The following LRRC8C variants were observed in gnomAD, a reference collection of about 807,000 sequenced individuals.
LRRC8C encodes leucine rich repeat containing 8 VRAC subunit C.
A neutral mutation model predicts 55.3 loss-of-function variants in LRRC8C; 20 were observed. That is an observed-to-expected ratio of 0.36 (90% CI 0.25 to 0.53). The LOEUF (loss-of-function observed/expected upper bound fraction) is 0.53. Among genes scored for constraint, LRRC8C ranks in the 20% least tolerant of loss-of-function variants. LRRC8C has a pLI of 0.92. For missense variants in LRRC8C, 659 were observed against 951.4 expected (o/e 0.69, Z 4.04); for synonymous variants, 376 against 360.7 (o/e 1.04, Z -0.48).
chr1:89,663,903 G>T (rs977027739), intron 1 of LRRC8C, among the ~76,000 whole-genome samples: 15 of 151,948 alleles, frequency 9.9e-5, no homozygotes, highest in Non-Finnish European at 1.5e-5. Flanking sequence ...TTTCATGTTT[G>T]TTGGCTGCAT....
intron 1 of LRRC8C, chr1:89,668,265 G>C (rs1350477251): frequency 2.0e-5 from 3 of 152,464 alleles, no homozygotes; most frequent in Non-Finnish European, 4.4e-5. Context: ...GCAATATTTG[G>C]GGACTGCATT....
At chr1:89,644,765 C>T (rs1421684999) in intron 1 of LRRC8C, among the ~76,000 whole-genome samples, 1 of 152,148 alleles carries the variant, frequency 6.6e-6, no homozygotes. Context: ...TTTGCCTGAC[C>T]CCAGAAGTGC....
intron 1 of LRRC8C, among the ~76,000 whole-genome samples, chr1:89,680,748 A>G (rs776564733): frequency 3.3e-5 from 5 of 151,810 alleles, no homozygotes; most frequent in Admixed American, 1.3e-4. Context: ...TTTAGTAGAG[A>G]TGGGATTTTA....
At chr1:89,696,213 A>G (rs1005493503) in intron 2 of LRRC8C, among the ~76,000 whole-genome samples, 6 of 152,196 alleles carry the variant, frequency 3.9e-5, no homozygotes, top group Admixed American at 3.9e-4. Flanking sequence ...GGACAAGATC[A>G]GGCAGAAGAA....
In LRRC8C at chr1:89,714,170, A is replaced by G; in HGVS notation, c.1600A>G (p.Thr534Ala). ...SLSHDISRNV[T>A]LESLRDLKSL... is the part of the protein sequence containing the mutation. ...AAGTCATGATATTTCCAGAAATGTC[A>G]CCCTTGAGTCTCTGCGGGATCTCAA... The change falls in exon 3 of 3, where the codon ACC becomes GCC. Residue 534 changes from threonine to alanine, a missense_variant. By Grantham distance (58) the Thr-to-Ala change is moderately conservative. Coordinates refer to ENST00000370454, the MANE Select transcript of LRRC8C (RefSeq NM_032270.5). The surrounding 1 kb of genome is among the most constrained non-coding windows in gnomAD (Gnocchi z 4.6). 6.2e-7 allele frequency: 1 copy of G among 1,614,130 alleles called. No individual in the cohort carries two copies. Among genetic ancestry groups the G allele is most frequent in the Non-Finnish European group, 8.5e-7 (1 of 1,180,028 alleles).
intron 1 of LRRC8C, among the ~76,000 whole-genome samples, chr1:89,660,281 CGTA>C (rs1273163591): frequency 6.6e-6 from 1 of 152,106 alleles, no homozygotes; most frequent in East Asian, 1.9e-4. Flanking sequence ...TCACTTAGTG[CGTA>C]GCTGTACTTT....
rs1427347254 is a variant in LRRC8C at position 89,715,854 on chromosome 1, C to G, written c.*872C>G. On this transcript the variant is annotated 3_prime_UTR_variant, in exon 3 of 3. Transcript: ENST00000370454. ...TTCATATCTTGATATGCAGCTGCAT[C>G]AGATGGAAAAAAATTTACTAAAGCA... 1.3e-5 allele frequency: 2 copies of G among 152,080 alleles called. No individual in the cohort carries two copies. The highest frequency in any genetic ancestry group is 1.5e-5 in the Non-Finnish European group (1 of 68,002). The allele number at this position is 152,080 out of a possible 1,614,324, so 9.4% of individuals were successfully genotyped here.
At chr1:89,667,727 G>A (rs535074263) in intron 1 of LRRC8C, among the ~76,000 whole-genome samples, 2 of 152,260 alleles carry the variant, frequency 1.3e-5, no homozygotes, top group East Asian at 3.9e-4. Context: ...CTTTAAAGTG[G>A]TTTGCTATGT....
chr1:89,649,915 T>A (rs1030611797), intron 1 of LRRC8C, among the ~76,000 whole-genome samples: 4 of 152,248 alleles, frequency 2.6e-5, no homozygotes, highest in Non-Finnish European at 5.9e-5. Context: ...TTTAATGAGA[T>A]GTTCTTCAAA....
At position 89,714,138 on chromosome 1, in the gene LRRC8C, GCTCT is replaced by G; in HGVS notation, c.1571_1574del (p.Ser524Ter). On this transcript the variant is annotated frameshift_variant, in exon 3 of 3. Transcript: ENST00000370454. LOFTEE classifies it high-confidence loss of function. This position sits in a 1 kb window ranked among gnomAD's most constrained non-coding sequence, Gnocchi z 4.6. ...AATCTGGAAGAGCTGTACCTAGTTG[GCTCT>G]CTAAGTCATGATATTTCCAGAAATG... 1 of 1,614,098 alleles carries G rather than the reference GCTCT, an allele frequency of 6.2e-7. No homozygotes were observed.
intron 1 of LRRC8C, among the ~76,000 whole-genome samples, chr1:89,662,771 A>AGTATT (rs1302930698): frequency 6.6e-6 from 1 of 152,050 alleles, no homozygotes; most frequent in Non-Finnish European, 1.5e-5. Flanking sequence ...CCACAAATTT[A>AGTATT]GTATTGTGTT....
intron 2 of LRRC8C, among the ~76,000 whole-genome samples, chr1:89,704,007 C>T (rs1358033146): frequency 6.6e-6 from 1 of 151,826 alleles, no homozygotes; most frequent in African/African-American, 2.4e-5. Flanking sequence ...AACACAAATA[C>T]CCAAAAAAGC....
At chr1:89,682,609 A>G (rs1281186158) in intron 1 of LRRC8C, among the ~76,000 whole-genome samples, 3 of 152,208 alleles carry the variant, frequency 2.0e-5, no homozygotes, top group Non-Finnish European at 4.4e-5. Context: ...CATGGTTAGT[A>G]AGGCACCTTC....
At chr1:89,699,433 T>A (rs1658261504) in intron 2 of LRRC8C, among the ~76,000 whole-genome samples, 1 of 152,132 alleles carries the variant, frequency 6.6e-6, no homozygotes, top group African/African-American at 2.4e-5. Flanking sequence ...ACCACTGTGG[T>A]TGAGCTTGGT....
chr1:89,652,092 G>A (rs1656801949), intron 1 of LRRC8C, among the ~76,000 whole-genome samples: 1 of 152,116 alleles, frequency 6.6e-6, no homozygotes, highest in African/African-American at 2.4e-5. Flanking sequence ...CTGGAGTGCT[G>A]GGGTGCAGTA....
At chr1:89,629,841 C>G (rs1656060305), upstream of LRRC8C, 1 of 152,176 alleles carries the variant, frequency 6.6e-6, no homozygotes, top group Non-Finnish European at 1.5e-5. Flanking sequence ...CCTGTGGAGG[C>G]TTCATAGAGA....
rs1658817558 is a variant in LRRC8C at position 89,716,332 on chromosome 1, A to G, written c.*1350A>G. On this transcript the variant is annotated 3_prime_UTR_variant, in exon 3 of 3. Coordinates refer to ENST00000370454, the MANE Select transcript of LRRC8C (RefSeq NM_032270.5). ...CCATGATACCGAGGGATGACTGGAT[A>G]TTAATCGATTTCCCTCAAGCCTGCC... The G allele has an allele frequency of 1.3e-5, 2 of 152,212 alleles. No homozygotes were observed. Among genetic ancestry groups the G allele is most frequent in the East Asian group, 3.8e-4 (2 of 5,198 alleles). 9.4% of individuals were successfully genotyped at this position (152,212 alleles called of 1,614,324 possible).
At chr1:89,621,296 T>TAA in the LRRC8C span, among the ~76,000 whole-genome samples, 50 of 123,834 alleles carry the variant, frequency 4.0e-4, no homozygotes, top group Non-Finnish European at 6.2e-4. Context: ...CCGTCTCTAC[T>TAA]AAAAAAAAAA....
At chr1:89,670,752 A>C (rs1398350241) in intron 1 of LRRC8C, among the ~76,000 whole-genome samples, 3 of 152,194 alleles carry the variant, frequency 2.0e-5, no homozygotes. Context: ...ATCTGAATCT[A>C]TTCCATCTTT....
Sources: gnomAD v4.1 joint callset for allele counts (sites outside exome capture counted in the v4.1 genomes callset) on GRCh38, gnomAD v4.1.1 for gene constraint, Gnocchi (gnomAD v3.1) non-coding constraint, MANE v1.5 for transcripts, NCBI Gene and HGNC (gene_info 2026-07-23, HGNC 2026-07-21) for gene names.